Variants in SMU1 observed in about 807,000 individuals in gnomAD.
SMU1 encodes the protein WD40 repeat-containing protein SMU1.
A neutral mutation model predicts 62.0 loss-of-function variants in SMU1; 2 were observed. The ratio of observed to expected loss-of-function variants is 0.03; its 90% CI spans 0.01 to 0.10. The LOEUF is 0.10. Among genes scored for constraint, SMU1 ranks in the 10% least tolerant of loss-of-function variants. The probability of loss-of-function intolerance (pLI) is 1.00; values close to 1 mark genes in which losing one functional copy is unlikely to be tolerated. For synonymous variants in SMU1, 188 were observed against 212.4 expected (o/e 0.89, Z 1.00); for missense variants, 227 against 622.1 (o/e 0.36, Z 6.76).
rs146721379 is a variant in SMU1, at chr9:33,056,693, A to G, written c.995+144T>C. 5.4e-4 allele frequency: 461 copies of G among 860,202 alleles called. 1 individual carries two copies. In the African/African-American group the frequency reaches 7.2e-3, roughly 13 times the overall value. 53.3% of individuals were successfully genotyped at this position (860,202 alleles called of 1,614,324 possible). On this transcript the variant is annotated intron_variant, in intron 8 of 11. Transcript: ENST00000397149. ...CAAGTGTCAGTTGTACTTTGGGGAC[A>G]TAAGGTCTCACATACCTTCCCTCTC...
intron 6 of SMU1, among the ~76,000 whole-genome samples, chr9:33,058,353 G>T (rs970773193): frequency 1.3e-5 from 2 of 152,146 alleles, no homozygotes; most frequent in African/African-American, 4.8e-5. Context: ...GTCTTGCTCT[G>T]TCGTCTAGGC....
chr9:33,071,662 G>C, intron 3 of SMU1, 78 bp downstream of exon 3: 1 of 1,162,990 alleles, frequency 8.6e-7, no homozygotes, highest in African/African-American at 1.8e-5. Context: ...CAATAAAATG[G>C]TAAAAAAAAA....
chr9:33,043,109 A>C lies in SMU1; in HGVS notation c.*4184T>G, dbSNP rs1488188170. The C allele has an allele frequency of 1.3e-5, 2 of 152,332 alleles. No individual in the cohort carries two copies. Among genetic ancestry groups the C allele is most frequent in the East Asian group, 3.8e-4 (2 of 5,200 alleles). 9.4% of individuals were successfully genotyped at this position (152,332 alleles called of 1,614,324 possible). ...CGGCCTCCCAAAGTGCTGGGATTAC[A>C]GGCTTGAGCCACCGTGCCCGGCCTA... On this transcript the variant is annotated 3_prime_UTR_variant, in exon 12 of 12. Coordinates refer to ENST00000397149, the MANE Select transcript of SMU1 (RefSeq NM_018225.3).
chr9:33,072,194 G>C (rs1460731426), intron 2 of SMU1, among the ~76,000 whole-genome samples: 1 of 152,058 alleles, frequency 6.6e-6, no homozygotes, highest in Non-Finnish European at 1.5e-5. Context: ...AAAATTAGCT[G>C]GGTGTGGTGG....
At chr9:33,050,323 G>C (rs913764211) in intron 10 of SMU1, among the ~76,000 whole-genome samples, 2 of 152,118 alleles carry the variant, frequency 1.3e-5, no homozygotes, top group African/African-American at 4.8e-5. Context: ...GGAACAGTTT[G>C]ATAGTTTCTT....
At chr9:33,053,417 T>C in intron 9 of SMU1, 127 bp from the exon 10 acceptor site, 1 of 970,710 alleles carries the variant, frequency 1.0e-6, no homozygotes, top group Non-Finnish European at 1.5e-6. Flanking sequence ...AGTTTCTTAC[T>C]TGATTTTAGG....
intron 3 of SMU1, 113 bp from the exon 4 acceptor site, chr9:33,069,047 T>C (rs1839457517): frequency 7.2e-7 from 1 of 1,398,602 alleles, no homozygotes; most frequent in Non-Finnish European, 9.4e-7. Flanking sequence ...GAAAAGAAAT[T>C]ACCCAGTTAA....
At chr9:33,051,716 G>A (rs963366042) in intron 10 of SMU1, among the ~76,000 whole-genome samples, 4 of 152,166 alleles carry the variant, frequency 2.6e-5, no homozygotes, top group Admixed American at 2.0e-4. Context: ...TGGGGAAGAC[G>A]TGACTATAAA....
At chr9:33,064,946 T>C (rs1839404008) in intron 4 of SMU1, among the ~76,000 whole-genome samples, 1 of 152,174 alleles carries the variant, frequency 6.6e-6, no homozygotes, top group South Asian at 2.1e-4. Flanking sequence ...TTTCGCCACG[T>C]TGGCCAGGCT....
intron 5 of SMU1, 166 bp from the exon 6 acceptor site, chr9:33,060,750 G>T: frequency 2.6e-6 from 1 of 392,048 alleles, no homozygotes; most frequent in Non-Finnish European, 3.5e-6. Context: ...GAGCTGGGTG[G>T]ATGTATTTTT....
At chr9:33,065,328 G>A (rs958350714) in intron 4 of SMU1, among the ~76,000 whole-genome samples, 2 of 152,060 alleles carry the variant, frequency 1.3e-5, no homozygotes, top group African/African-American at 2.4e-5. Flanking sequence ...AAACTAAAGG[G>A]AAACGAAACC....
At chr9:33,065,159 A>G (rs1297330273) in intron 4 of SMU1, among the ~76,000 whole-genome samples, 1 of 152,204 alleles carries the variant, frequency 6.6e-6, no homozygotes, top group East Asian at 1.9e-4. Flanking sequence ...TAAGGTCCAG[A>G]TTCACAGATC....
intron 3 of SMU1, 41 bp from the exon 4 acceptor site, chr9:33,068,975 C>T: frequency 6.2e-7 from 1 of 1,607,394 alleles, no homozygotes. Flanking sequence ...CAAGAAGCAA[C>T]AACAAGATAT....
In SMU1 at chr9:33,060,590, T is replaced by A. The variant is rs757153489; in HGVS notation, c.631-6A>T. ...ACATGTGATTTCTGACCAAACTGTT[T>A]CAAATGAAACAATGAAACAGATGCA... is the stretch of plus-strand genomic sequence containing the variant. On this transcript the variant is annotated splice_polypyrimidine_tract_variant and splice_region_variant and intron_variant, in intron 5 of 11. Coordinates refer to ENST00000397149, the MANE Select transcript of SMU1 (RefSeq NM_018225.3). 4.3e-5 allele frequency: 69 copies of A among 1,605,760 alleles called. No homozygotes were observed. Among genetic ancestry groups the A allele is most frequent in the Non-Finnish European group, 5.6e-5 (66 of 1,178,334 alleles).
chr9:33,069,353 C>T (rs564386234), intron 3 of SMU1, among the ~76,000 whole-genome samples: 3 of 152,356 alleles, frequency 2.0e-5, no homozygotes, highest in African/African-American at 7.2e-5. Context: ...GCTTCACCAC[C>T]TCTAAGTTAA....
At chr9:33,073,503 C>T (rs1022799729) in intron 2 of SMU1, 93 bp downstream of exon 2, 10 of 803,854 alleles carry the variant, frequency 1.2e-5, no homozygotes, top group Admixed American at 2.1e-5. Context: ...GCAGCCCTAC[C>T]GTGCTTGAAG....
intron 1 of SMU1, among the ~76,000 whole-genome samples, chr9:33,075,774 C>G (rs902976566): frequency 3.3e-5 from 5 of 152,224 alleles, no homozygotes; most frequent in African/African-American, 1.2e-4. Context: ...CTCCCTTACA[C>G]TCAGACACAA....
intron 6 of SMU1, among the ~76,000 whole-genome samples, chr9:33,057,997 A>G (rs1228445699): frequency 6.6e-6 from 1 of 152,162 alleles, no homozygotes; most frequent in Non-Finnish European, 1.5e-5. Flanking sequence ...CTCTAGTTTC[A>G]TATTTTACAT....
chr9:33,053,111 C>G lies in SMU1; in HGVS notation c.1290+12G>C. The G allele has an allele frequency of 6.2e-7, 1 of 1,611,874 alleles. No individual in the cohort carries two copies. The highest frequency in any genetic ancestry group is 8.5e-7 in the Non-Finnish European group (1 of 1,179,746). ...CACAGTTCCTGTGCAAGGGTACGTT[C>G]TGAACACTCACCTGCCCCTGCATGT... On this transcript the variant is annotated intron_variant, in intron 10 of 11. Transcript: ENST00000397149.
Sources: gnomAD v4.1 joint callset for allele counts (sites outside exome capture counted in the v4.1 genomes callset) on GRCh38, gnomAD v4.1.1 for gene constraint, MANE v1.5 for transcripts, NCBI Gene and HGNC (gene_info 2026-07-23, HGNC 2026-07-21) for gene names.